MAGI2: variants seen among roughly 807,000 people sequenced by gnomAD.
MAGI2 encodes the protein membrane-associated guanylate kinase, WW and PDZ domain-containing protein 2.
Under a neutral mutation model 133.3 loss-of-function variants are expected in MAGI2, and 35 were observed. That is an observed-to-expected ratio of 0.26 (90% CI 0.20 to 0.35). The LOEUF is 0.35. Among genes scored for constraint, MAGI2 ranks in the 10% least tolerant of loss-of-function variants. The pLI is 1.00. For synonymous variants in MAGI2, 729 were observed against 710.6 expected (o/e 1.03, Z -0.41); for missense variants, 1,636 against 1,863.4 (o/e 0.88, Z 2.25).
At chr7:78,158,740 G>C (rs1185481934) in intron 16 of MAGI2, among the ~76,000 whole-genome samples, 1 of 152,136 alleles carries the variant, frequency 6.6e-6, no homozygotes, top group Admixed American at 6.5e-5. Flanking sequence ...CTTCTTGCCT[G>C]GGGACCAATC....
chr7:78,029,718 GT>G (rs1367079731), intron 21 of MAGI2, among the ~76,000 whole-genome samples: 2 of 152,236 alleles, frequency 1.3e-5, no homozygotes. Context: ...GCATGAAGAA[GT>G]GGTGTCTCTC....
intron 1 of MAGI2, among the ~76,000 whole-genome samples, chr7:79,151,389 C>T (rs1271476669): frequency 6.6e-6 from 1 of 152,138 alleles, no homozygotes; most frequent in Non-Finnish European, 1.5e-5. Context: ...TTAGGCACTA[C>T]AATACTAGAA....
intron 1 of MAGI2, among the ~76,000 whole-genome samples, chr7:79,237,882 CTAAT>C (rs1456747779): frequency 6.6e-6 from 1 of 152,102 alleles, no homozygotes; most frequent in African/African-American, 2.4e-5. Flanking sequence ...GATTGAATCT[CTAAT>C]TATTTCCTTA....
intron 2 of MAGI2, among the ~76,000 whole-genome samples, chr7:78,733,219 C>T (rs1375276040): frequency 6.6e-6 from 1 of 152,102 alleles, no homozygotes; most frequent in Non-Finnish European, 1.5e-5. Flanking sequence ...CTATAAAAGC[C>T]TTTACTAGTT....
At chr7:78,917,610 T>G (rs1798899702) in intron 2 of MAGI2, among the ~76,000 whole-genome samples, 1 of 152,102 alleles carries the variant, frequency 6.6e-6, no homozygotes, top group African/African-American at 2.4e-5. Context: ...AATTCAATCC[T>G]GATGCTATCT....
At chr7:79,068,156 T>C (rs1814564463) in intron 1 of MAGI2, among the ~76,000 whole-genome samples, 1 of 152,228 alleles carries the variant, frequency 6.6e-6, no homozygotes, top group Non-Finnish European at 1.5e-5. Flanking sequence ...TTTCTGTTGT[T>C]TGGAATACTT....
intron 9 of MAGI2, among the ~76,000 whole-genome samples, chr7:78,319,844 G>A (rs767861997): frequency 3.5e-4 from 53 of 152,228 alleles, no homozygotes; most frequent in Middle Eastern, 3.4e-3. Flanking sequence ...CCAGGAGCTG[G>A]ATTTTTGAAA....
chr7:78,839,428 A>G (rs557873596), intron 2 of MAGI2, among the ~76,000 whole-genome samples: 1 of 152,218 alleles, frequency 6.6e-6, no homozygotes, highest in East Asian at 1.9e-4. Flanking sequence ...CAAAATGGTC[A>G]AATAATTAAG....
chr7:78,672,741 G>A (rs966484987), intron 2 of MAGI2, among the ~76,000 whole-genome samples: 2 of 152,136 alleles, frequency 1.3e-5, no homozygotes, highest in Non-Finnish European at 2.9e-5. Flanking sequence ...CCATCCTGGG[G>A]CTGTTGAATC....
intron 6 of MAGI2, among the ~76,000 whole-genome samples, chr7:78,433,995 C>T (rs1000172415): frequency 1.3e-5 from 2 of 152,146 alleles, no homozygotes; most frequent in Non-Finnish European, 2.9e-5. Flanking sequence ...GATTACTATG[C>T]CATAGGAGGA....
At chr7:78,861,390 T>C (rs562725435) in intron 2 of MAGI2, among the ~76,000 whole-genome samples, 37 of 152,364 alleles carry the variant, frequency 2.4e-4, no homozygotes, top group African/African-American at 7.5e-4. Context: ...TAATGCTTAT[T>C]CTGGGCTTTC....
At chr7:79,216,611 TG>T (rs1049654915) in intron 1 of MAGI2, among the ~76,000 whole-genome samples, 11 of 152,176 alleles carry the variant, frequency 7.2e-5, no homozygotes, top group Non-Finnish European at 1.5e-4. Flanking sequence ...CTGCGCCTTT[TG>T]CTCCCCCTCC....
intron 2 of MAGI2, among the ~76,000 whole-genome samples, chr7:78,957,264 C>CAAAAAAA (rs1187620956): frequency 1.6e-4 from 7 of 42,590 alleles, no homozygotes; most frequent in African/African-American, 3.5e-4. Flanking sequence ...GACTCCATCT[C>CAAAAAAA]AAAAAAAAAA....
intron 6 of MAGI2, among the ~76,000 whole-genome samples, chr7:78,404,194 C>T (rs945096967): frequency 1.3e-5 from 2 of 152,156 alleles, no homozygotes; most frequent in African/African-American, 4.8e-5. Context: ...GAAGAACATT[C>T]CATGCTCATG....
chr7:78,605,335 T>C (rs1805688200), intron 3 of MAGI2, among the ~76,000 whole-genome samples: 1 of 152,218 alleles, frequency 6.6e-6, no homozygotes, highest in South Asian at 2.1e-4. Flanking sequence ...CTCAGCATTC[T>C]AATTTAGGCA....
At chr7:78,663,465 A>G (rs193016920) in intron 2 of MAGI2, among the ~76,000 whole-genome samples, 46 of 152,154 alleles carry the variant, frequency 3.0e-4, no homozygotes, top group African/African-American at 1.1e-3. Context: ...TCTGCCTCCC[A>G]AAGTGCTGAG....
chr7:78,605,521 T>C (rs1214609039), intron 3 of MAGI2, among the ~76,000 whole-genome samples: 1 of 152,226 alleles, frequency 6.6e-6, no homozygotes, highest in Non-Finnish European at 1.5e-5. Flanking sequence ...ACTTATTATA[T>C]GCTATTAACT....
chr7:78,120,638 G>GA (rs1820349074), intron 20 of MAGI2, among the ~76,000 whole-genome samples: 1 of 152,128 alleles, frequency 6.6e-6, no homozygotes, highest in African/African-American at 2.4e-5. Flanking sequence ...TGCATTTATA[G>GA]AAATTTAATT....
chr7:78,530,799 A>G (rs1797402546), intron 3 of MAGI2, among the ~76,000 whole-genome samples: 1 of 151,932 alleles, frequency 6.6e-6, no homozygotes, highest in Non-Finnish European at 1.5e-5. Flanking sequence ...TTGCCAAGTG[A>G]CTGGGTTACT....
Sources: allele counts gnomAD v4.1 joint callset (sites outside exome capture counted in the v4.1 genomes callset), GRCh38; gene constraint gnomAD v4.1.1; transcripts MANE v1.5; gene names NCBI Gene and HGNC (gene_info 2026-07-23, HGNC 2026-07-21).